The following SORCS1 variants were observed in gnomAD, a reference collection of about 807,000 sequenced individuals.
SORCS1 encodes the protein VPS10 domain-containing receptor SorCS1.
A neutral mutation model predicts 146.1 loss-of-function variants in SORCS1; 60 were observed. The observed-to-expected ratio is 0.41, with a 90% confidence interval of 0.33 to 0.51. SORCS1 has a LOEUF of 0.51. Ranked by LOEUF, SORCS1 falls within the 20% of genes least tolerant of loss-of-function variation. The probability of loss-of-function intolerance (pLI) is 0.21; values close to 1 mark genes in which losing one functional copy is unlikely to be tolerated. For synonymous variants in SORCS1, 637 were observed against 584.0 expected (o/e 1.09, Z -1.31); for missense variants, 1,352 against 1,487.6 (o/e 0.91, Z 1.50).
chr10:106,967,170 G>A (rs1401214140), intron 1 of SORCS1, among the ~76,000 whole-genome samples: 2 of 149,786 alleles, frequency 1.3e-5, no homozygotes, highest in African/African-American at 4.9e-5. Flanking sequence ...TGCCAAACCA[G>A]AGAGTCTGAG....
At chr10:106,742,044 C>T (rs1857402768) in intron 5 of SORCS1, among the ~76,000 whole-genome samples, 1 of 152,112 alleles carries the variant, frequency 6.6e-6, no homozygotes, top group African/African-American at 2.4e-5. Flanking sequence ...GGCTATTGCC[C>T]TCAAATACTT....
chr10:106,835,879 C>T (rs1302431388), intron 2 of SORCS1, among the ~76,000 whole-genome samples: 3 of 152,156 alleles, frequency 2.0e-5, no homozygotes, highest in African/African-American at 7.2e-5. Flanking sequence ...GTGGCTCATG[C>T]CTGTAATCCC....
chr10:106,774,426 A>AGTGTGTGTGTGTGTGT (rs3045083), intron 4 of SORCS1, among the ~76,000 whole-genome samples: 2 of 147,620 alleles, frequency 1.4e-5, no homozygotes, highest in Non-Finnish European at 3.0e-5. Context: ...TAGGTTCCAA[A>AGTGTGTGTGTGTGTGT]GTGTGTGTGT....
In SORCS1 at chr10:106,802,688, G is replaced by A. The variant is rs577070523; in HGVS notation, c.727-25996C>T. 1.4e-4 allele frequency among the ~76,000 whole-genome samples: 22 copies of A among 152,098 alleles called. 1 individual carries two copies. Among genetic ancestry groups the A allele is most frequent in the African/African-American group, 3.1e-4 (13 of 41,512 alleles). ...TAATTTTTGTATTTTTAGTAGAGACGGGGTTTCACCATGTTGGCCAGGCTG... is the reference window on the plus strand; with the variant it reads ...TAATTTTTGTATTTTTAGTAGAGACAGGGTTTCACCATGTTGGCCAGGCTG... On this transcript the variant is annotated intron_variant, in intron 3 of 25. Transcript: ENST00000263054.
At chr10:107,143,742 G>A (rs1001605453) in intron 1 of SORCS1, among the ~76,000 whole-genome samples, 1 of 152,056 alleles carries the variant, frequency 6.6e-6, no homozygotes, top group Non-Finnish European at 1.5e-5. Context: ...CTGACCTCGT[G>A]ATCTGCCCGC....
intron 1 of SORCS1, among the ~76,000 whole-genome samples, chr10:107,067,060 T>C (rs1961941867): frequency 6.6e-6 from 1 of 152,156 alleles, no homozygotes; most frequent in Non-Finnish European, 1.5e-5. Flanking sequence ...ATTTGAAAGG[T>C]AGCATTGTTT....
At chr10:106,741,341 G>A (rs1857346968) in intron 5 of SORCS1, among the ~76,000 whole-genome samples, 3 of 152,196 alleles carry the variant, frequency 2.0e-5, no homozygotes, top group Admixed American at 2.0e-4. Context: ...ACTCACACCT[G>A]TAATTCTAGC....
At chr10:107,161,690 C>CAAAAAA (rs11287858) in intron 1 of SORCS1, among the ~76,000 whole-genome samples, 1 of 144,846 alleles carries the variant, frequency 6.9e-6, no homozygotes, top group African/African-American at 2.5e-5. Flanking sequence ...ACAAAACGGC[C>CAAAAAA]AAAAAAAAAA....
At chr10:106,586,692 A>T (rs991135378) in intron 24 of SORCS1, among the ~76,000 whole-genome samples, 3 of 152,222 alleles carry the variant, frequency 2.0e-5, no homozygotes, top group African/African-American at 7.2e-5. Flanking sequence ...ATGGTGGCTC[A>T]TGCCTGCAAT....
chr10:106,615,135 T>C (rs1347863576), intron 21 of SORCS1, among the ~76,000 whole-genome samples: 1 of 152,218 alleles, frequency 6.6e-6, no homozygotes, highest in African/African-American at 2.4e-5. Context: ...CTTGCTTTTC[T>C]TAGAGTATTC....
intron 1 of SORCS1, among the ~76,000 whole-genome samples, chr10:107,067,003 A>T (rs1379866846): frequency 6.6e-6 from 1 of 152,182 alleles, no homozygotes; most frequent in East Asian, 1.9e-4. Context: ...TCAGAGATAT[A>T]AAAAATTGGG....
At chr10:106,626,475 C>T (rs1361435954) in intron 19 of SORCS1, among the ~76,000 whole-genome samples, 1 of 152,152 alleles carries the variant, frequency 6.6e-6, no homozygotes. Flanking sequence ...CCTATAAAGC[C>T]ACCTCTCACT....
chr10:107,024,911 A>G (rs1360398387), intron 1 of SORCS1, among the ~76,000 whole-genome samples: 1 of 152,234 alleles, frequency 6.6e-6, no homozygotes, highest in Non-Finnish European at 1.5e-5. Context: ...GGATTTAGAC[A>G]GTTAAGGGAG....
At chr10:106,823,921 A>G (rs1308139925) in intron 3 of SORCS1, among the ~76,000 whole-genome samples, 1 of 152,136 alleles carries the variant, frequency 6.6e-6, no homozygotes, top group Non-Finnish European at 1.5e-5. Flanking sequence ...TATCCCCAAA[A>G]TCTTTTAGAT....
At chr10:106,683,107 C>T (rs1463005592) in intron 10 of SORCS1, among the ~76,000 whole-genome samples, 1 of 152,192 alleles carries the variant, frequency 6.6e-6, no homozygotes, top group Non-Finnish European at 1.5e-5. Flanking sequence ...CAGAGTTTTT[C>T]ACTTAATTTC....
At chr10:107,009,771 G>GT (rs1957617193) in intron 1 of SORCS1, among the ~76,000 whole-genome samples, 1 of 152,118 alleles carries the variant, frequency 6.6e-6, no homozygotes, top group South Asian at 2.1e-4. Context: ...TAAGAAACCT[G>GT]TTTTTTGACT....
intron 10 of SORCS1, among the ~76,000 whole-genome samples, chr10:106,682,569 T>C (rs1370892098): frequency 2.6e-5 from 4 of 152,192 alleles, no homozygotes; most frequent in African/African-American, 9.7e-5. Flanking sequence ...TAGTTTATAT[T>C]AGTATATTTT....
intron 1 of SORCS1, among the ~76,000 whole-genome samples, chr10:107,070,526 A>G (rs1312683071): frequency 6.6e-6 from 1 of 152,230 alleles, no homozygotes; most frequent in African/African-American, 2.4e-5. Flanking sequence ...CTCCATTTAA[A>G]GCATCTTTCC....
rs1038265169 is a variant in SORCS1 at position 107,064,736 on chromosome 10, C to T, written c.558+99233G>A. 2.6e-5 allele frequency among the ~76,000 whole-genome samples: 4 copies of T among 152,194 alleles called. 1 individual carries two copies. The highest frequency in any genetic ancestry group is 2.6e-4 in the Admixed American group (4 of 15,288). Reference sequence around the variant, plus strand: ...TTATATATTTGTGTAATTATGCCATCTCTGTAAGCTCTACAAGACTTTATT... The same window carrying T: ...TTATATATTTGTGTAATTATGCCATTTCTGTAAGCTCTACAAGACTTTATT... On this transcript the variant is annotated intron_variant, in intron 1 of 25. Transcript: ENST00000263054.
Sources: gnomAD v4.1 joint callset for allele counts (sites outside exome capture counted in the v4.1 genomes callset) on GRCh38, gnomAD v4.1.1 for gene constraint, MANE v1.5 for transcripts, NCBI Gene and HGNC (gene_info 2026-07-23, HGNC 2026-07-21) for gene names.